Variants in LRMDA observed in about 807,000 individuals in gnomAD.
The protein encoded by LRMDA is leucine-rich melanocyte differentiation-associated protein.
A neutral mutation model predicts 29.8 loss-of-function variants in LRMDA; 18 were observed. That is an observed-to-expected ratio of 0.60 (90% CI 0.42 to 0.90). The LOEUF (loss-of-function observed/expected upper bound fraction) is 0.90, where lower values mean the gene tolerates loss of function less well. Ranked by LOEUF, LRMDA falls within the 40% of genes least tolerant of loss-of-function variation. The pLI, the probability that LRMDA is intolerant of heterozygous loss-of-function variation, is 0.00. For synonymous variants in LRMDA, 125 were observed against 109.4 expected, an observed-to-expected ratio of 1.14 and a Z score of -0.89; for missense variants, 273 against 273.9, an observed-to-expected ratio of 1.00 and a Z score of 0.02.
chr10:76,508,962 GTC>G lies in LRMDA; in HGVS notation c.602-48243_602-48242del, dbSNP rs1472258156. 2.6e-5 allele frequency among the ~76,000 whole-genome samples: 4 copies of G among 152,130 alleles called. No homozygotes were observed. In the East Asian group the frequency reaches 7.7e-4, roughly 29 times the overall value. On this transcript the variant is annotated intron_variant, in intron 6 of 6. Coordinates refer to ENST00000611255, the MANE Select transcript of LRMDA (RefSeq NM_001305581.2). ...TCTGGGATTGGAAAGCTTTTCCAGT[GTC>G]TCTGAGTCTTCTTTTCCTTGTCTTA...
At chr10:75,912,727 T>A (rs1845862465) in intron 2 of LRMDA, among the ~76,000 whole-genome samples, 1 of 152,140 alleles carries the variant, frequency 6.6e-6, no homozygotes, top group Admixed American at 6.5e-5. Flanking sequence ...TTGTGGGCAG[T>A]GGTGGGCTCT....
chr10:75,673,258 T>A (rs1431678631), intron 2 of LRMDA, among the ~76,000 whole-genome samples: 1 of 152,182 alleles, frequency 6.6e-6, no homozygotes, highest in Non-Finnish European at 1.5e-5. Flanking sequence ...CACCCAAGCC[T>A]CCTTATCCAC....
intron 2 of LRMDA, among the ~76,000 whole-genome samples, chr10:75,709,595 G>A (rs913466213): frequency 5.3e-5 from 8 of 152,098 alleles, no homozygotes; most frequent in Admixed American, 4.6e-4. Context: ...TCAATTAATC[G>A]TGCAGAAGTC....
chr10:75,587,653 C>T (rs3001919), intron 2 of LRMDA, among the ~76,000 whole-genome samples: 92,018 of 152,112 alleles, frequency 0.6, 31,173 homozygotes, highest in East Asian at 0.85. Context: ...ACTGGTCAAA[C>T]CTTTAGATAA....
intron 2 of LRMDA, among the ~76,000 whole-genome samples, chr10:75,513,811 A>T (rs1845256508): frequency 6.6e-6 from 1 of 152,152 alleles, no homozygotes; most frequent in South Asian, 2.1e-4. Flanking sequence ...GTAATCCAGG[A>T]CACTCTCCCT....
chr10:76,380,695 G>A (rs1249299445), intron 6 of LRMDA, among the ~76,000 whole-genome samples: 6 of 148,494 alleles, frequency 4.0e-5, no homozygotes, highest in Non-Finnish European at 7.4e-5. Context: ...AAAAAAAGAG[G>A]AATATACATA....
At chr10:75,527,757 A>G (rs997288735) in intron 2 of LRMDA, among the ~76,000 whole-genome samples, 22 of 147,624 alleles carry the variant, frequency 1.5e-4, no homozygotes, top group Non-Finnish European at 3.0e-4. Context: ...ATAATATATA[A>G]TATATAATTA....
chr10:76,052,675 G>A (rs891059858), intron 4 of LRMDA, among the ~76,000 whole-genome samples: 1 of 152,294 alleles, frequency 6.6e-6, no homozygotes, highest in African/African-American at 2.4e-5. Context: ...GAAGAAAGAG[G>A]ACCTGAAAAG....
At chr10:76,258,034 A>G (rs566954840) in intron 5 of LRMDA, among the ~76,000 whole-genome samples, 2 of 152,364 alleles carry the variant, frequency 1.3e-5, no homozygotes, top group East Asian at 1.9e-4. Context: ...ACATTTGTTA[A>G]TGACTCATTG....
At chr10:76,141,682 G>A (rs1404602454) in intron 5 of LRMDA, among the ~76,000 whole-genome samples, 1 of 152,056 alleles carries the variant, frequency 6.6e-6, no homozygotes, top group Non-Finnish European at 1.5e-5. Context: ...GATCTAGATT[G>A]GGGATTATAG....
intron 2 of LRMDA, among the ~76,000 whole-genome samples, chr10:75,529,228 A>T (rs978739873): frequency 4.6e-5 from 7 of 152,230 alleles, no homozygotes; most frequent in African/African-American, 1.7e-4. Flanking sequence ...CTGGAAAAAC[A>T]TGGCAAACAT....
rs1179955059 is a variant in LRMDA, at chr10:76,036,075, G to T, written c.199G>T (p.Asp67Tyr). The change falls in exon 3 of 7, where the codon GAC becomes TAC. Residue 67 changes from aspartate (D) to tyrosine (Y), a missense_variant. Physicochemically the swap from Asp to Tyr is radical, Grantham distance 160. Transcript: ENST00000611255. The part of the protein sequence containing the change: ...ELILDNNQLG[D>Y]DLVLPGLPRL... ...CATCTTGGACAACAATCAGCTGGGG[G>T]ACGACCTTGTGTTGCCAGGGTTACC... 3 of 1,614,096 alleles carry T rather than the reference G, an allele frequency of 1.9e-6. No individual in the cohort carries two copies. Among genetic ancestry groups the T allele is most frequent in the Admixed American group, 1.7e-5 (1 of 60,012 alleles).
At chr10:76,389,711 A>G (rs1841700670) in intron 6 of LRMDA, among the ~76,000 whole-genome samples, 1 of 150,624 alleles carries the variant, frequency 6.6e-6, no homozygotes, top group Admixed American at 6.6e-5. Context: ...CCTCATATAA[A>G]TGAAATTAAT....
intron 2 of LRMDA, among the ~76,000 whole-genome samples, chr10:75,682,088 G>A (rs1021075370): frequency 2.6e-5 from 4 of 152,128 alleles, no homozygotes; most frequent in Non-Finnish European, 5.9e-5. Flanking sequence ...TGTTTTCCAA[G>A]GACTTCAGAA....
chr10:75,669,854 G>C (rs1053633587), intron 2 of LRMDA, among the ~76,000 whole-genome samples: 1 of 152,172 alleles, frequency 6.6e-6, no homozygotes, highest in Non-Finnish European at 1.5e-5. Context: ...TTTATGGTTA[G>C]CAATCCAAAG....
At chr10:76,556,999 G>A (rs1211885669) in intron 6 of LRMDA, among the ~76,000 whole-genome samples, 2 of 152,174 alleles carry the variant, frequency 1.3e-5, no homozygotes, top group Non-Finnish European at 2.9e-5. Flanking sequence ...TATACTTGTA[G>A]TGACATTTTA....
At chr10:76,429,932 A>T (rs1333021464) in intron 6 of LRMDA, among the ~76,000 whole-genome samples, 4 of 152,188 alleles carry the variant, frequency 2.6e-5, no homozygotes, top group Non-Finnish European at 5.9e-5. Flanking sequence ...ATGTGAGAGA[A>T]CCAGATCCGA....
chr10:75,688,160 T>C (rs1468137093), intron 2 of LRMDA, among the ~76,000 whole-genome samples: 1 of 152,204 alleles, frequency 6.6e-6, no homozygotes, highest in East Asian at 1.9e-4. Flanking sequence ...TCAAGTCTTA[T>C]TACTCAAGAA....
intron 5 of LRMDA, among the ~76,000 whole-genome samples, chr10:76,251,395 G>A (rs1340029257): frequency 6.6e-6 from 1 of 151,118 alleles, no homozygotes; most frequent in Non-Finnish European, 1.5e-5. Context: ...TGGGACTACA[G>A]GCGCCCGCCA....
Sources: gnomAD v4.1 joint callset for allele counts (sites outside exome capture counted in the v4.1 genomes callset) on GRCh38, gnomAD v4.1.1 for gene constraint, MANE v1.5 for transcripts, NCBI Gene and HGNC (gene_info 2026-07-23, HGNC 2026-07-21) for gene names.